IGSF21: variants seen among roughly 807,000 people sequenced by gnomAD.
IGSF21 encodes immunoglobulin superfamily member 21.
IGSF21 carries 28 observed loss-of-function variants against 46.8 expected under a neutral mutation model. The ratio of observed to expected loss-of-function variants is 0.60; its 90% CI spans 0.44 to 0.82. The LOEUF is 0.82. Ranked by LOEUF, IGSF21 falls within the 40% of genes least tolerant of loss-of-function variation. The probability of loss-of-function intolerance (pLI) is 0.00; values close to 1 mark genes in which losing one functional copy is unlikely to be tolerated. For missense variants in IGSF21, 624 were observed against 665.5 expected (o/e 0.94, Z 0.69); for synonymous variants, 284 against 273.6 (o/e 1.04, Z -0.38).
chr1:18,269,495 T>G (rs1184907087), intron 2 of IGSF21, among the ~76,000 whole-genome samples: 3 of 152,096 alleles, frequency 2.0e-5, no homozygotes, highest in Admixed American at 2.0e-4. Context: ...AGCCAAGAAG[T>G]GAGACTGAAC....
At chr1:18,165,525 C>T (rs751685629) in intron 1 of IGSF21, among the ~76,000 whole-genome samples, 3 of 152,158 alleles carry the variant, frequency 2.0e-5, no homozygotes, top group Non-Finnish European at 2.9e-5. Flanking sequence ...TCTGAGGTCC[C>T]GGGGATTAGG....
intron 1 of IGSF21, among the ~76,000 whole-genome samples, chr1:18,174,405 T>A (rs537923322): frequency 2.6e-5 from 4 of 152,294 alleles, no homozygotes; most frequent in East Asian, 1.9e-4. Context: ...CCGCTGCTGA[T>A]GAAATGAAGC....
chr1:18,153,092 A>G (rs2086535461), intron 1 of IGSF21, among the ~76,000 whole-genome samples: 1 of 152,164 alleles, frequency 6.6e-6, no homozygotes, highest in African/African-American at 2.4e-5. Flanking sequence ...TCGAGCCCCC[A>G]AGGGCACTCA....
intron 1 of IGSF21, among the ~76,000 whole-genome samples, chr1:18,225,162 AGAT>A (rs2084553271): frequency 6.6e-6 from 1 of 151,140 alleles, no homozygotes; most frequent in Non-Finnish European, 1.5e-5. Flanking sequence ...ACTGGTGAGA[AGAT>A]CCCTATTCTC....
chr1:18,257,114 G>A (rs1241001354), intron 2 of IGSF21, among the ~76,000 whole-genome samples: 1 of 152,172 alleles, frequency 6.6e-6, no homozygotes, highest in East Asian at 1.9e-4. Flanking sequence ...ATAAGCTGAT[G>A]GGCCAGGGCA....
At chr1:18,331,142 G>C (rs1175137063) in intron 3 of IGSF21, among the ~76,000 whole-genome samples, 3 of 151,934 alleles carry the variant, frequency 2.0e-5, no homozygotes, top group Non-Finnish European at 4.4e-5. Context: ...TAGGTTATTG[G>C]GGAACAGGTA....
chr1:18,267,026 G>A (rs184731144), intron 2 of IGSF21, among the ~76,000 whole-genome samples: 6 of 152,294 alleles, frequency 3.9e-5, no homozygotes, highest in African/African-American at 1.4e-4. Flanking sequence ...CAGCATGATG[G>A]AGGAGACTCA....
At chr1:18,377,307 C>A in intron 8 of IGSF21, 86 bp from the exon 9 acceptor site, 1 of 1,195,442 alleles carries the variant, frequency 8.4e-7, no homozygotes, top group Non-Finnish European at 1.3e-6. Flanking sequence ...TGATACCTCA[C>A]AGCAGGTGCT....
intron 1 of IGSF21, among the ~76,000 whole-genome samples, chr1:18,223,389 G>A (rs1286243385): frequency 6.6e-6 from 1 of 152,216 alleles, no homozygotes; most frequent in East Asian, 1.9e-4. Context: ...ACCCCATCAA[G>A]TAGTATGTTC....
intron 4 of IGSF21, among the ~76,000 whole-genome samples, chr1:18,356,197 C>T (rs1046755795): frequency 6.6e-6 from 1 of 152,152 alleles, no homozygotes; most frequent in South Asian, 2.1e-4. Context: ...GCAAAATATG[C>T]CTGCTTGGTG....
At chr1:18,343,470 T>C (rs1365908337) in intron 4 of IGSF21, among the ~76,000 whole-genome samples, 1 of 152,256 alleles carries the variant, frequency 6.6e-6, no homozygotes, top group East Asian at 1.9e-4. Flanking sequence ...TTTATCTATT[T>C]TTTCTTTTGT....
At chr1:18,137,860 A>C (rs1193604363) in intron 1 of IGSF21, among the ~76,000 whole-genome samples, 3 of 151,288 alleles carry the variant, frequency 2.0e-5, no homozygotes, top group African/African-American at 7.3e-5. Context: ...TGCATTAAAA[A>C]CTCCATGAGT....
intron 1 of IGSF21, among the ~76,000 whole-genome samples, chr1:18,129,500 C>T (rs2086300208): frequency 6.6e-6 from 1 of 152,222 alleles, no homozygotes; most frequent in Admixed American, 6.5e-5. Flanking sequence ...GAGCCTCTGA[C>T]TCTGGCACTG....
rs1028769322 is a variant in IGSF21, at chr1:18,111,681, A to T, written c.70+3483A>T. 4.6e-5 allele frequency: 7 copies of T among 152,350 alleles called. No individual in the cohort carries two copies. In the South Asian group the frequency reaches 1.5e-3, roughly 32 times the overall value. 9.4% of individuals were successfully genotyped at this position (152,350 alleles called of 1,614,324 possible). ...GATCAGCTGCGATGTGTCAAGCAGG[A>T]TGCTGGCTGCTGCTTCGCAGTCCTC... On this transcript the variant is annotated intron_variant, in intron 1 of 9. Coordinates refer to ENST00000251296, the MANE Select transcript of IGSF21 (RefSeq NM_032880.5).
At chr1:18,146,158 A>C (rs1271780130) in intron 1 of IGSF21, among the ~76,000 whole-genome samples, 1 of 152,180 alleles carries the variant, frequency 6.6e-6, no homozygotes, top group Non-Finnish European at 1.5e-5. Context: ...GCAGAGAGGG[A>C]ATATGTAATC....
intron 9 of IGSF21, 44 bp from the exon 10 acceptor site, chr1:18,378,212 G>T (rs1320408962): frequency 1.3e-6 from 2 of 1,524,448 alleles, no homozygotes; most frequent in Non-Finnish European, 1.8e-6. Flanking sequence ...CTGGAACGGG[G>T]TTGGGTCTGC....
At chr1:18,162,206 TGCC>T (rs1199341425) in intron 1 of IGSF21, among the ~76,000 whole-genome samples, 1 of 151,942 alleles carries the variant, frequency 6.6e-6, no homozygotes, top group Non-Finnish European at 1.5e-5. Context: ...CCACCACATG[TGCC>T]TGTATTTTTG....
intron 4 of IGSF21, 118 bp from the exon 5 acceptor site, chr1:18,361,997 A>G: frequency 3.0e-6 from 2 of 665,140 alleles, no homozygotes; most frequent in Non-Finnish European, 2.7e-6. Flanking sequence ...GTTTGGCAAC[A>G]CCTGCCCTCC....
At position 18,238,136 on chromosome 1, in the gene IGSF21, G is replaced by A. The variant is rs1405027450; in HGVS notation, c.183+10126G>A. On this transcript the variant is annotated intron_variant, in intron 2 of 9. Coordinates refer to ENST00000251296, the MANE Select transcript of IGSF21 (RefSeq NM_032880.5). ...ACTGAAAAACCCAGGAAATGCAACA[G>A]CAGGCATGCAGGTGTTCGCTGAGTG... Among the ~76,000 whole-genome samples, 3 of 152,190 alleles carry A rather than the reference G, an allele frequency of 2.0e-5. No homozygotes were observed. In the East Asian group the frequency reaches 5.8e-4, roughly 29 times the overall value.
Sources: gnomAD v4.1 joint callset for allele counts (sites outside exome capture counted in the v4.1 genomes callset) on GRCh38, gnomAD v4.1.1 for gene constraint, MANE v1.5 for transcripts, NCBI Gene and HGNC (gene_info 2026-07-23, HGNC 2026-07-21) for gene names.